The following TMCC1 variants were observed in gnomAD, a reference collection of about 807,000 sequenced individuals.
TMCC1 encodes the protein transmembrane and coiled-coil domains protein 1.
Under a neutral mutation model 52.4 loss-of-function variants are expected in TMCC1, and 15 were observed. The observed-to-expected ratio is 0.29, with a 90% CI of 0.19 to 0.44. The LOEUF (loss-of-function observed/expected upper bound fraction) is 0.44, where lower values mean the gene tolerates loss of function less well. Ranked by LOEUF, TMCC1 falls within the 20% of genes least tolerant of loss-of-function variation. TMCC1 has a pLI of 1.00. For synonymous variants in TMCC1, 279 were observed against 301.9 expected, an observed-to-expected ratio of 0.92 and a Z score of 0.79; for missense variants, 503 against 806.0, an observed-to-expected ratio of 0.62 and a Z score of 4.55.
chr3:129,843,856 C>T (rs1416554721), intron 2 of TMCC1, among the ~76,000 whole-genome samples: 1 of 134,278 alleles, frequency 7.4e-6, no homozygotes, highest in African/African-American at 2.7e-5. Context: ...GAACATTTCC[C>T]AACTCATTTT....
At chr3:129,874,619 G>A (rs2061100841) in intron 2 of TMCC1, among the ~76,000 whole-genome samples, 1 of 152,190 alleles carries the variant, frequency 6.6e-6, no homozygotes, top group South Asian at 2.1e-4. Flanking sequence ...CACTTTGCAA[G>A]GCTGAGGTGG....
chr3:129,886,772 T>C (rs1427579604), intron 1 of TMCC1, among the ~76,000 whole-genome samples: 3 of 147,178 alleles, frequency 2.0e-5, no homozygotes, highest in African/African-American at 7.6e-5. Flanking sequence ...AAACCGTTTC[T>C]ACAAAAAAAA....
At chr3:129,818,799 T>C (rs1222125981) in intron 4 of TMCC1, 2 of 152,212 alleles carry the variant, frequency 1.3e-5, no homozygotes, top group East Asian at 3.8e-4. Context: ...AATATGGCTA[T>C]ACATTAAATA....
intron 5 of TMCC1, among the ~76,000 whole-genome samples, chr3:129,665,940 T>C (rs2087413846): frequency 6.6e-6 from 1 of 152,200 alleles, no homozygotes; most frequent in Admixed American, 6.5e-5. Context: ...TTCGTGGTAG[T>C]GGCCTTGTCA....
intron 4 of TMCC1, among the ~76,000 whole-genome samples, chr3:129,762,038 CT>C (rs1306028544): frequency 3.7e-3 from 447 of 119,496 alleles, no homozygotes; most frequent in African/African-American, 6.9e-3. Flanking sequence ...AGATTTCTAA[CT>C]TTTTTTTTTT....
At chr3:129,734,625 G>A (rs1398633440) in intron 4 of TMCC1, among the ~76,000 whole-genome samples, 1 of 152,146 alleles carries the variant, frequency 6.6e-6, no homozygotes, top group East Asian at 1.9e-4. Context: ...AGAGGCTGCA[G>A]TGAGCTGTGA....
chr3:129,858,543 T>A (rs1293236369), intron 2 of TMCC1, among the ~76,000 whole-genome samples: 1 of 152,142 alleles, frequency 6.6e-6, no homozygotes, highest in African/African-American at 2.4e-5. Context: ...GCTAATTTTT[T>A]GTATTTTTGG....
At chr3:129,878,442 T>G (rs1360114508) in intron 2 of TMCC1, among the ~76,000 whole-genome samples, 1 of 152,144 alleles carries the variant, frequency 6.6e-6, no homozygotes. Context: ...ACAGCACATA[T>G]CCAATCTATC....
chr3:129,816,404 T>A (rs2058099513), intron 4 of TMCC1, among the ~76,000 whole-genome samples: 1 of 152,006 alleles, frequency 6.6e-6, no homozygotes, highest in Admixed American at 6.5e-5. Context: ...TATAAAGCCA[T>A]AAAGAAGAAT....
Position 129,879,078 on chromosome 3 carries a change from C to T in TMCC1, c.-184+1231G>A, listed in dbSNP as rs143367722. Reference sequence around the variant, plus strand: ...CCCCTTCCCCTCAATACATTCTATTCCTGCTTTCCTTTTACTTTTCTCTTT... The same window carrying T: ...CCCCTTCCCCTCAATACATTCTATTTCTGCTTTCCTTTTACTTTTCTCTTT... On this transcript the variant is annotated intron_variant, in intron 2 of 6. Transcript: ENST00000393238. Among the ~76,000 whole-genome samples the T allele has an allele frequency of 1.1e-3, 170 of 152,278 alleles. 1 individual carries two copies. The highest frequency in any genetic ancestry group is 3.4e-3 in the Middle Eastern group (1 of 294).
At chr3:129,762,515 T>C (rs887493171) in intron 4 of TMCC1, among the ~76,000 whole-genome samples, 3 of 152,148 alleles carry the variant, frequency 2.0e-5, no homozygotes, top group Non-Finnish European at 4.4e-5. Context: ...AGGCTGGCCA[T>C]GATGGCTCAT....
chr3:129,807,209 C>T (rs1487363195), intron 4 of TMCC1, among the ~76,000 whole-genome samples: 1 of 151,986 alleles, frequency 6.6e-6, no homozygotes, highest in Non-Finnish European at 1.5e-5. Flanking sequence ...TAATTTAGGA[C>T]AGGAGGAGAA....
chr3:129,672,161 T>C (rs2088003925), intron 4 of TMCC1, among the ~76,000 whole-genome samples: 1 of 152,200 alleles, frequency 6.6e-6, no homozygotes, highest in Non-Finnish European at 1.5e-5. Flanking sequence ...TTTAAAAGCA[T>C]AAATGTTCAC....
chr3:129,789,427 A>G (rs1418519423), intron 4 of TMCC1, among the ~76,000 whole-genome samples: 3 of 152,188 alleles, frequency 2.0e-5, no homozygotes, highest in Admixed American at 6.5e-5. Flanking sequence ...AAAGGAAACT[A>G]CTTCTGAAAA....
rs145292607 is a variant in TMCC1, at chr3:129,751,071, C to T, written c.576+76732G>A. ...CAAAAATTAGCCAGATGTGGTGGCACACGCCTGTAGTCTCAGCTACTCAGG... is the reference window on the plus strand; with the variant it reads ...CAAAAATTAGCCAGATGTGGTGGCATACGCCTGTAGTCTCAGCTACTCAGG... On this transcript the variant is annotated intron_variant, in intron 4 of 6. Transcript: ENST00000393238. 2.7e-3 allele frequency among the ~76,000 whole-genome samples: 416 copies of T among 152,030 alleles called. 5 individuals carry two copies. Among genetic ancestry groups the T allele is most frequent in the African/African-American group, 9.4e-3 (392 of 41,512 alleles).
chr3:129,761,055 G>A (rs1000274488), intron 4 of TMCC1, among the ~76,000 whole-genome samples: 1 of 152,022 alleles, frequency 6.6e-6, no homozygotes, highest in Non-Finnish European at 1.5e-5. Context: ...GCCGGGCGCG[G>A]TGGCTCACGC....
At chr3:129,664,053 G>A (rs4077946) in intron 5 of TMCC1, among the ~76,000 whole-genome samples, 14,692 of 152,116 alleles carry the variant, frequency 0.097, 832 homozygotes, top group African/African-American at 0.15. Flanking sequence ...CCTCTTTAGC[G>A]GCTAAACGCT....
chr3:129,688,741 TTGACTC>T (rs772357214), intron 4 of TMCC1: 3 of 985,154 alleles, frequency 3.0e-6, no homozygotes, highest in Middle Eastern at 5.2e-4. Flanking sequence ...AATGAATAGT[TTGACTC>T]TGAGAATGGA....
chr3:129,854,944 C>T (rs373626696), intron 2 of TMCC1, among the ~76,000 whole-genome samples: 4 of 152,246 alleles, frequency 2.6e-5, no homozygotes, highest in South Asian at 2.1e-4. Flanking sequence ...GCCTAGGTGG[C>T]CCAATAAAAA....
Sources: gnomAD v4.1 joint callset for allele counts (sites outside exome capture counted in the v4.1 genomes callset) on GRCh38, gnomAD v4.1.1 for gene constraint, MANE v1.5 for transcripts, NCBI Gene and HGNC (gene_info 2026-07-23, HGNC 2026-07-21) for gene names.